FNBP1L: variants seen among roughly 807,000 people sequenced by gnomAD.
FNBP1L encodes formin-binding protein 1-like.
FNBP1L carries 36 observed loss-of-function variants against 91.2 expected under a neutral mutation model. That is an observed-to-expected ratio of 0.39 (90% CI 0.30 to 0.52). FNBP1L has a LOEUF of 0.52. Ranked by LOEUF, FNBP1L falls within the 20% of genes least tolerant of loss-of-function variation. The pLI is 0.66. For missense variants in FNBP1L, 571 were observed against 732.1 expected (o/e 0.78, Z 2.54); for synonymous variants, 242 against 237.0 (o/e 1.02, Z -0.19).
chr1:93,498,781 T>C (rs1670350262), intron 1 of FNBP1L, among the ~76,000 whole-genome samples: 1 of 152,204 alleles, frequency 6.6e-6, no homozygotes, highest in African/African-American at 2.4e-5. Flanking sequence ...TATGTCATTA[T>C]CATGTTTCCT....
chr1:93,537,490 C>T (rs1296207931), intron 10 of FNBP1L, among the ~76,000 whole-genome samples: 2 of 152,080 alleles, frequency 1.3e-5, no homozygotes, highest in Non-Finnish European at 2.9e-5. Context: ...AGTTTAGGGA[C>T]AAGATTACAT....
At chr1:93,469,499 T>G (rs575376122) in intron 1 of FNBP1L, among the ~76,000 whole-genome samples, 15 of 152,262 alleles carry the variant, frequency 9.9e-5, no homozygotes, top group African/African-American at 3.1e-4. Context: ...GATGGACATT[T>G]GGGTTGGTTT....
chr1:93,534,613 TTTG>T (rs1468516483), intron 8 of FNBP1L, 89 bp from the exon 9 acceptor site: 2 of 727,254 alleles, frequency 2.8e-6, no homozygotes, highest in East Asian at 5.4e-5. Context: ...TAAACTTATA[TTTG>T]TTGTTTTTTT....
intron 1 of FNBP1L, among the ~76,000 whole-genome samples, chr1:93,476,268 C>A (rs1027453371): frequency 6.6e-6 from 1 of 152,038 alleles, no homozygotes; most frequent in Non-Finnish European, 1.5e-5. Context: ...GCTTTTAATT[C>A]TTTGTATCTT....
At chr1:93,484,626 C>T (rs1221398560) in intron 1 of FNBP1L, among the ~76,000 whole-genome samples, 1 of 152,124 alleles carries the variant, frequency 6.6e-6, no homozygotes, top group Non-Finnish European at 1.5e-5. Context: ...TAGAGGAACT[C>T]CTGGCAGGAA....
intron 1 of FNBP1L, among the ~76,000 whole-genome samples, chr1:93,479,047 A>G (rs1428343039): frequency 6.6e-6 from 1 of 152,240 alleles, no homozygotes; most frequent in Non-Finnish European, 1.5e-5. Flanking sequence ...ACCCACCCCA[A>G]TATTTCAACG....
chr1:93,513,844 C>T (rs905213998), intron 2 of FNBP1L, among the ~76,000 whole-genome samples: 405 of 152,202 alleles, frequency 2.7e-3, no homozygotes, highest in Non-Finnish European at 5.1e-3. Context: ...GAAGCATTCC[C>T]TTTGAAAACT....
At chr1:93,462,995 TTTATTTATATCAGTATGAAC>T (rs1380500887) in intron 1 of FNBP1L, among the ~76,000 whole-genome samples, 6 of 152,000 alleles carry the variant, frequency 3.9e-5, no homozygotes, top group African/African-American at 1.5e-4. Context: ...TCATCAATCA[TTTATTTATATCAGTATGAAC>T]TGATGGATAT....
intron 16 of FNBP1L, 193 bp downstream of exon 16, chr1:93,551,298 G>T: frequency 8.0e-7 from 1 of 1,255,932 alleles, no homozygotes. Context: ...GAAACATTTT[G>T]TGGCACTTTA....
rs139881261 is a variant in FNBP1L, at chr1:93,462,899, T to G, written c.24+14594T>G. 1.9e-3 allele frequency among the ~76,000 whole-genome samples: 290 copies of G among 152,204 alleles called. 2 individuals are homozygous for G. Among genetic ancestry groups the G allele is most frequent in the African/African-American group, 6.7e-3 (279 of 41,530 alleles). Reference sequence around the variant, plus strand: ...AAACTGAAGGAGAGGGGAGTTATGCTCCCCTCCTTTATGATAAAGTATCTA... The same window carrying G: ...AAACTGAAGGAGAGGGGAGTTATGCGCCCCTCCTTTATGATAAAGTATCTA... On this transcript the variant is annotated intron_variant, in intron 1 of 16. Coordinates refer to ENST00000271234, the MANE Select transcript of FNBP1L (RefSeq NM_001164473.3).
chr1:93,469,894 A>G (rs909322363), intron 1 of FNBP1L, among the ~76,000 whole-genome samples: 1 of 152,186 alleles, frequency 6.6e-6, no homozygotes, highest in Non-Finnish European at 1.5e-5. Flanking sequence ...TGGGAATTCA[A>G]GGTTACAGTG....
chr1:93,525,375 T>C (rs1671460487), intron 5 of FNBP1L, among the ~76,000 whole-genome samples: 1 of 152,130 alleles, frequency 6.6e-6, no homozygotes, highest in Non-Finnish European at 1.5e-5. Context: ...GTAACTACCA[T>C]TGATGTGATA....
At chr1:93,473,266 A>T (rs1057045764) in intron 1 of FNBP1L, among the ~76,000 whole-genome samples, 1 of 152,098 alleles carries the variant, frequency 6.6e-6, no homozygotes, top group African/African-American at 2.4e-5. Context: ...AGATTTTTGA[A>T]TTTGGGCAAG....
At chr1:93,542,888 A>G (rs951922980) in intron 11 of FNBP1L, among the ~76,000 whole-genome samples, 1 of 142,600 alleles carries the variant, frequency 7.0e-6, no homozygotes, top group East Asian at 2.1e-4. Flanking sequence ...GGTTCAAGTG[A>G]TTCTCCTGCC....
chr1:93,486,491 A>G (rs1669910094), intron 1 of FNBP1L, among the ~76,000 whole-genome samples: 1 of 151,796 alleles, frequency 6.6e-6, no homozygotes, highest in African/African-American at 2.4e-5. Context: ...AGTCTTTCAC[A>G]TACATTCTCA....
chr1:93,551,318 T>A (rs1402174320), intron 16 of FNBP1L: 1 of 1,241,596 alleles, frequency 8.1e-7, no homozygotes, highest in Non-Finnish European at 1.0e-6. Flanking sequence ...ACTGTTTGAG[T>A]AACGTTGGTG....
intron 2 of FNBP1L, among the ~76,000 whole-genome samples, chr1:93,515,061 C>G (rs1440988564): frequency 3.3e-5 from 5 of 152,116 alleles, no homozygotes; most frequent in Non-Finnish European, 5.9e-5. Context: ...CGAACTCAAA[C>G]AAATTTACAA....
chr1:93,508,349 A>G (rs1392011724), intron 2 of FNBP1L, among the ~76,000 whole-genome samples: 4 of 152,158 alleles, frequency 2.6e-5, no homozygotes, highest in Non-Finnish European at 5.9e-5. Context: ...ACCCTGTCTC[A>G]AAATAATAAA....
rs372712819 is a variant in FNBP1L, at chr1:93,470,732, G to A, written c.24+22427G>A. Among the ~76,000 whole-genome samples, 47 of 152,216 alleles carry A rather than the reference G, an allele frequency of 3.1e-4. 1 individual carries two copies. In the South Asian group the frequency reaches 9.8e-3, roughly 32 times the overall value. On this transcript the variant is annotated intron_variant, in intron 1 of 16. Coordinates refer to ENST00000271234, the MANE Select transcript of FNBP1L (RefSeq NM_001164473.3). ...TACTAAACATATAAAAATTGGCCAG[G>A]CGTCATGGTGCATGCCTGTAATCCC...
Sources: gnomAD v4.1 joint callset for allele counts (sites outside exome capture counted in the v4.1 genomes callset) on GRCh38, gnomAD v4.1.1 for gene constraint, MANE v1.5 for transcripts, NCBI Gene and HGNC (gene_info 2026-07-23, HGNC 2026-07-21) for gene names.